Variants in RCL1 observed in about 807,000 individuals in gnomAD.
RCL1 encodes the protein RNA terminal phosphate cyclase like 1, also known as RNA 3'-terminal phosphate cyclase-like protein.
Under a neutral mutation model 42.4 loss-of-function variants are expected in RCL1, and 24 were observed. The observed-to-expected ratio is 0.57, with a 90% confidence interval of 0.41 to 0.80. The LOEUF (loss-of-function observed/expected upper bound fraction) is 0.80, where lower values mean the gene tolerates loss of function less well. RCL1 is among the 30% of genes least tolerant of loss of function. The pLI, the probability that RCL1 is intolerant of heterozygous loss-of-function variation, is 0.00. For synonymous variants in RCL1, 228 were observed against 177.3 expected (o/e 1.29, Z -2.27); for missense variants, 578 against 467.9 (o/e 1.24, Z -2.17).
rs1334813181 is a variant in RCL1 at position 4,851,729 on chromosome 9, C to T, written c.971+2179C>T. On this transcript the variant is annotated intron_variant, in intron 8 of 8. Coordinates refer to ENST00000381750, the MANE Select transcript of RCL1 (RefSeq NM_005772.5). ...TAAAGAAAACCAGAAGCAAGACCTT[C>T]CTTGGTTTAAAAAAAAAAAAGCATT... Among the ~76,000 whole-genome samples the T allele has an allele frequency of 8.3e-5, 5 of 60,032 alleles. No homozygotes were observed. In the East Asian group the frequency reaches 3.2e-3, roughly 38 times the overall value. 39.4% of individuals were successfully genotyped at this position (60,032 alleles called of 152,430 possible). A position where few individuals can be genotyped will look rare whatever the true frequency, so the allele number is the denominator to read the frequency against.
chr9:4,807,798 C>T (rs1030481864), intron 1 of RCL1, among the ~76,000 whole-genome samples: 10 of 152,168 alleles, frequency 6.6e-5, no homozygotes, highest in African/African-American at 1.9e-4. Flanking sequence ...GGATTACAGG[C>T]GTGAGCCCCC....
intron 1 of RCL1, among the ~76,000 whole-genome samples, 174 bp downstream of exon 1, chr9:4,793,401 C>T (rs1048918889): frequency 2.1e-5 from 3 of 144,300 alleles, no homozygotes; most frequent in Admixed American, 2.1e-4. Flanking sequence ...GTGGGGGAGG[C>T]GGGGTCGGGG....
intron 1 of RCL1, among the ~76,000 whole-genome samples, chr9:4,815,951 G>A (rs895238103): frequency 4.6e-5 from 7 of 152,078 alleles, no homozygotes; most frequent in Admixed American, 4.6e-4. Flanking sequence ...GGTGATAGAA[G>A]CTTGGCATTT....
chr9:4,857,276 C>G (rs1257395228), intron 8 of RCL1, among the ~76,000 whole-genome samples: 2 of 152,154 alleles, frequency 1.3e-5, no homozygotes, highest in Non-Finnish European at 1.5e-5. Context: ...CTCCCCAGCC[C>G]CAGGCAACCA....
chr9:4,857,576 C>T (rs1344086382), intron 8 of RCL1, among the ~76,000 whole-genome samples: 3 of 152,038 alleles, frequency 2.0e-5, no homozygotes, highest in African/African-American at 4.8e-5. Context: ...TGAATATTTG[C>T]GTGCAAGTTT....
intron 3 of RCL1, among the ~76,000 whole-genome samples, chr9:4,828,680 T>C (rs535152120): frequency 6.6e-6 from 1 of 152,286 alleles, no homozygotes; most frequent in Admixed American, 6.5e-5. Flanking sequence ...CCCTGAAGTG[T>C]ACAGCAGTGT....
Position 4,798,728 on chromosome 9 carries a change from T to A in RCL1, c.136+5501T>A, listed in dbSNP as rs148085385. Among the ~76,000 whole-genome samples, 148 of 152,358 alleles carry A rather than the reference T, an allele frequency of 9.7e-4. 2 individuals carry two copies. The highest frequency in any genetic ancestry group is 3.3e-3 in the African/African-American group (139 of 41,586). On this transcript the variant is annotated intron_variant, in intron 1 of 8. Coordinates refer to ENST00000381750, the MANE Select transcript of RCL1 (RefSeq NM_005772.5). ...CTGGTTTGGGACCCAGAATTCTTGA[T>A]GGACAACTGGTTTTGGGGCGTAACA...
chr9:4,854,351 A>G (rs1817859628), intron 8 of RCL1, among the ~76,000 whole-genome samples: 1 of 152,224 alleles, frequency 6.6e-6, no homozygotes, highest in African/African-American at 2.4e-5. Flanking sequence ...TATATTTAAA[A>G]GCTGCCATGT....
intron 1 of RCL1, among the ~76,000 whole-genome samples, chr9:4,796,436 C>T (rs148316353): frequency 7.2e-5 from 11 of 152,328 alleles, no homozygotes; most frequent in African/African-American, 2.6e-4. Context: ...CAGAGTCTCA[C>T]TCTGTCATGA....
intron 1 of RCL1, among the ~76,000 whole-genome samples, chr9:4,819,598 G>A (rs188399035): frequency 0.013 from 2,041 of 152,312 alleles, 52 homozygotes; most frequent in African/African-American, 0.047. Context: ...CATGAGGTCA[G>A]GAGATTGAGA....
intron 1 of RCL1, among the ~76,000 whole-genome samples, chr9:4,808,780 A>T (rs978150487): frequency 6.6e-6 from 1 of 152,230 alleles, no homozygotes; most frequent in Non-Finnish European, 1.5e-5. Flanking sequence ...AATTATCACA[A>T]TCAAGGGTAA....
At chr9:4,806,587 TAC>T (rs71326137) in intron 1 of RCL1, among the ~76,000 whole-genome samples, 19,514 of 135,520 alleles carry the variant, frequency 0.14, 1,366 homozygotes, top group South Asian at 0.2. Context: ...CTACTTGATC[TAC>T]ACACACACAC....
chr9:4,840,451 GT>G (rs1317164987), intron 5 of RCL1, among the ~76,000 whole-genome samples: 3 of 152,112 alleles, frequency 2.0e-5, no homozygotes, highest in African/African-American at 7.2e-5. Flanking sequence ...GCCAGCTTCT[GT>G]TATAAAGTCT....
chr9:4,859,841 C>G (rs960446612), intron 8 of RCL1, among the ~76,000 whole-genome samples: 2 of 152,166 alleles, frequency 1.3e-5, no homozygotes, highest in Non-Finnish European at 2.9e-5. Flanking sequence ...CCATTTTCTG[C>G]TAGGTCTGAA....
At chr9:4,809,757 G>C (rs1816107780) in intron 1 of RCL1, among the ~76,000 whole-genome samples, 1 of 151,818 alleles carries the variant, frequency 6.6e-6, no homozygotes, top group Admixed American at 6.6e-5. Context: ...TTTTTTTCTT[G>C]AGATACCTTT....
At chr9:4,853,269 G>A (rs564198380) in intron 8 of RCL1, among the ~76,000 whole-genome samples, 1 of 152,156 alleles carries the variant, frequency 6.6e-6, no homozygotes, top group South Asian at 2.1e-4. Flanking sequence ...GACAGTAAGT[G>A]GGGTTCAGAC....
At chr9:4,794,513 C>T (rs950398785) in intron 1 of RCL1, among the ~76,000 whole-genome samples, 2 of 152,160 alleles carry the variant, frequency 1.3e-5, no homozygotes, top group Non-Finnish European at 2.9e-5. Context: ...AAAGTGTTTG[C>T]TTGATTGCTG....
chr9:4,831,952 C>T (rs762991339), intron 3 of RCL1, among the ~76,000 whole-genome samples: 14 of 152,170 alleles, frequency 9.2e-5, no homozygotes, highest in Non-Finnish European at 1.9e-4. Context: ...TAATTAGAAG[C>T]AGAGCTGGGA....
intron 1 of RCL1, among the ~76,000 whole-genome samples, chr9:4,817,257 G>A (rs1816415165): frequency 6.6e-6 from 1 of 151,654 alleles, no homozygotes; most frequent in East Asian, 1.9e-4. Flanking sequence ...TATTTGTTTT[G>A]GTTTGTCATT....
Sources: gnomAD v4.1 joint callset for allele counts (sites outside exome capture counted in the v4.1 genomes callset) on GRCh38, gnomAD v4.1.1 for gene constraint, MANE v1.5 for transcripts, NCBI Gene and HGNC (gene_info 2026-07-23, HGNC 2026-07-21) for gene names.